The following REV3L variants were observed in gnomAD, a reference collection of about 807,000 sequenced individuals.
The protein encoded by REV3L is DNA polymerase zeta catalytic subunit.
REV3L carries 69 observed loss-of-function variants against 299.4 expected under a neutral mutation model. The ratio of observed to expected loss-of-function variants is 0.23; its 90% CI spans 0.19 to 0.28. The LOEUF (loss-of-function observed/expected upper bound fraction) is 0.28. Ranked by LOEUF, REV3L falls within the 10% of genes least tolerant of loss-of-function variation. REV3L has a pLI of 1.00. For synonymous variants in REV3L, 1,238 were observed against 1,271.4 expected, an observed-to-expected ratio of 0.97 and a Z score of 0.56; for missense variants, 3,128 against 3,693.8, an observed-to-expected ratio of 0.85 and a Z score of 3.97.
At chr6:111,348,764 C>T (rs957147163) in intron 20 of REV3L, among the ~76,000 whole-genome samples, 19 of 152,224 alleles carry the variant, frequency 1.2e-4, no homozygotes, top group South Asian at 8.3e-4. Flanking sequence ...ATTCTCCCAC[C>T]TCAGCCTCCC....
chr6:111,442,594 C>T (rs977424104), intron 1 of REV3L, among the ~76,000 whole-genome samples: 2 of 152,140 alleles, frequency 1.3e-5, no homozygotes, highest in South Asian at 2.1e-4. Flanking sequence ...AATAAGTCCA[C>T]GTAAAACTAA....
intron 16 of REV3L, chr6:111,361,477 T>G (rs1778673315): frequency 6.7e-6 from 1 of 149,878 alleles, no homozygotes; most frequent in Non-Finnish European, 1.5e-5. Flanking sequence ...ACATGAAGAC[T>G]CTGAAAACAA....
At chr6:111,338,340 T>TAAAAAAAA (rs1582581271) in intron 21 of REV3L, among the ~76,000 whole-genome samples, 1 of 57,444 alleles carries the variant, frequency 1.7e-5, no homozygotes, top group South Asian at 6.6e-4. Flanking sequence ...TTTTTTTTTT[T>TAAAAAAAA]TTTTTTTTTT....
chr6:111,362,756 G>C (rs1489886334), intron 16 of REV3L, among the ~76,000 whole-genome samples: 1 of 152,046 alleles, frequency 6.6e-6, no homozygotes, highest in East Asian at 1.9e-4. Flanking sequence ...AGAAATACTT[G>C]ATCTGTAATT....
intron 5 of REV3L, among the ~76,000 whole-genome samples, chr6:111,391,454 T>C (rs1000572901): frequency 2.0e-5 from 3 of 152,210 alleles, no homozygotes; most frequent in Non-Finnish European, 4.4e-5. Context: ...TGATGGAATA[T>C]TACATGTTAG....
intron 1 of REV3L, among the ~76,000 whole-genome samples, chr6:111,459,740 T>C (rs750118691): frequency 4.6e-5 from 7 of 152,222 alleles, no homozygotes; most frequent in Admixed American, 2.0e-4. Flanking sequence ...CCAGTCAGAA[T>C]AGCTTTTGTT....
intron 31 of REV3L, among the ~76,000 whole-genome samples, chr6:111,300,929 G>C (rs183847500): frequency 1.4e-3 from 213 of 152,336 alleles, no homozygotes; most frequent in African/African-American, 5.0e-3. Context: ...GAATAAGGGA[G>C]ATAACCATAA....
chr6:111,365,735 A>G lies in REV3L; in HGVS notation c.6674-391T>C, dbSNP rs1167035626. Among the ~76,000 whole-genome samples the G allele has an allele frequency of 2.0e-5, 3 of 152,316 alleles. No homozygotes were observed. The East Asian group carries it at 5.8e-4, about 29-fold the overall frequency. ...AGAAAAATAAAATTATAACTGCACT[A>G]ATACAACAAAGGGGAATATAATTGG... On this transcript the variant is annotated intron_variant, in intron 14 of 31. Coordinates refer to ENST00000368802, the MANE Select transcript of REV3L (RefSeq NM_001372078.1).
intron 20 of REV3L, among the ~76,000 whole-genome samples, chr6:111,346,683 A>G (rs1189430991): frequency 6.6e-6 from 1 of 152,138 alleles, no homozygotes; most frequent in South Asian, 2.1e-4. Context: ...CCAGCTCATA[A>G]CTTTCTTACA....
intron 1 of REV3L, chr6:111,430,656 A>G (rs753607537): frequency 8.6e-5 from 131 of 1,519,396 alleles, no homozygotes; most frequent in Non-Finnish European, 1.2e-4. Flanking sequence ...AAGAGAGAGG[A>G]CTCTGGAGAT....
intron 1 of REV3L, among the ~76,000 whole-genome samples, chr6:111,435,251 A>G (rs1389102505): frequency 3.9e-5 from 6 of 152,196 alleles, no homozygotes; most frequent in Non-Finnish European, 8.8e-5. Flanking sequence ...GCAATTTACA[A>G]AGTCAATGGA....
At chr6:111,422,333 T>A (rs1192192613) in intron 1 of REV3L, among the ~76,000 whole-genome samples, 1 of 151,740 alleles carries the variant, frequency 6.6e-6, no homozygotes. Flanking sequence ...ATAGACAGAG[T>A]TGAGCAGTTG....
upstream of REV3L, chr6:111,483,501 G>C (rs990694635): frequency 3.7e-6 from 2 of 533,412 alleles, no homozygotes; most frequent in East Asian, 9.8e-5. Context: ...CCGATCTCAT[G>C]GATGGGCTCC....
At chr6:111,352,617 T>A (rs1777689483) in intron 18 of REV3L, among the ~76,000 whole-genome samples, 1 of 152,216 alleles carries the variant, frequency 6.6e-6, no homozygotes, top group African/African-American at 2.4e-5. Flanking sequence ...TTAGTAATTA[T>A]TTGGTTCTCA....
intron 1 of REV3L, among the ~76,000 whole-genome samples, chr6:111,466,446 C>T (rs562219273): frequency 7.6e-4 from 116 of 152,242 alleles, no homozygotes; most frequent in Admixed American, 1.7e-3. Context: ...TAAGAAGTCA[C>T]TGATTATAAA....
In REV3L at chr6:111,466,171, T is replaced by A. The variant is rs374298593; in HGVS notation, c.139+16579A>T. Among the ~76,000 whole-genome samples the A allele has an allele frequency of 9.8e-5, 15 of 152,322 alleles. No individual in the cohort carries two copies. In the East Asian group the frequency reaches 2.7e-3, roughly 27 times the overall value. On this transcript the variant is annotated intron_variant, in intron 1 of 31. Coordinates refer to ENST00000368802, the MANE Select transcript of REV3L (RefSeq NM_001372078.1). ...TTCATTTCATTTTTCTAGTAATTCA[T>A]TTTTAATGTATTTTAAAGAAGTATT... is the stretch of plus-strand genomic sequence containing the variant.
chr6:111,358,162 C>T (rs1778288154), intron 17 of REV3L, among the ~76,000 whole-genome samples: 1 of 152,052 alleles, frequency 6.6e-6, no homozygotes, highest in Admixed American at 6.6e-5. Flanking sequence ...ATATGAAGAA[C>T]CTCTGAACCA....
chr6:111,354,488 G>A (rs1777895780), intron 18 of REV3L, among the ~76,000 whole-genome samples: 1 of 152,074 alleles, frequency 6.6e-6, no homozygotes, highest in African/African-American at 2.4e-5. Context: ...TAGAAGAATT[G>A]TAAAGTTGTT....
chr6:111,428,845 A>C (rs1377943043), intron 1 of REV3L, among the ~76,000 whole-genome samples: 1 of 152,210 alleles, frequency 6.6e-6, no homozygotes, highest in Non-Finnish European at 1.5e-5. Flanking sequence ...AAAAAATCCC[A>C]AAAACTTGAG....
Sources: allele counts gnomAD v4.1 joint callset (sites outside exome capture counted in the v4.1 genomes callset), GRCh38; gene constraint gnomAD v4.1.1; transcripts MANE v1.5; gene names NCBI Gene and HGNC (gene_info 2026-07-23, HGNC 2026-07-21).